The following GLIPR1L2 variants were observed in gnomAD, a reference collection of about 807,000 sequenced individuals.
GLIPR1L2 encodes GLIPR1 like 2.
GLIPR1L2 carries 21 observed loss-of-function variants against 28.4 expected under a neutral mutation model. The ratio of observed to expected loss-of-function variants is 0.74; its 90% confidence interval spans 0.52 to 1.06. GLIPR1L2 has a LOEUF of 1.06. Ranked by LOEUF, GLIPR1L2 falls within the 50% of genes least tolerant of loss-of-function variation. The pLI is 0.00. For missense variants in GLIPR1L2, 476 were observed against 416.9 expected (o/e 1.14, Z -1.23); for synonymous variants, 145 against 139.3 (o/e 1.04, Z -0.29).
In GLIPR1L2 at chr12:75,413,621, A is replaced by T; in HGVS notation, c.504A>T (p.Lys168Asn). ...AGCTTGTTTGGGACCACTCTTACAAAGTTGGTTGTGCTGTTACTCCATGTT... is the reference window on the plus strand; with the variant it reads ...AGCTTGTTTGGGACCACTCTTACAATGTTGGTTGTGCTGTTACTCCATGTT... ...YIQLVWDHSYKVGCAVTPCSK... is the reference protein window; with the variant it reads ...YIQLVWDHSYNVGCAVTPCSK... The change falls in exon 3 of 6, where the codon AAA becomes AAT. Residue 168 changes from lysine to asparagine, a missense_variant. Physicochemically the swap from Lys to Asn is moderately conservative, Grantham distance 94. Transcript: ENST00000550916. 6.4e-7 allele frequency: 1 copy of T among 1,558,744 alleles called. No individual in the cohort carries two copies. The highest frequency in any genetic ancestry group is 8.6e-7 in the Non-Finnish European group (1 of 1,158,328).
rs1345885518 is a variant in GLIPR1L2, at chr12:75,413,656, G to T, written c.539G>T (p.Gly180Val). The stretch of plus-strand genomic sequence containing the variant: ...GCTGTTACTCCATGTTCAAAAATTG[G>T]ACATATTATACATGCAGCAATTTTC... ...GCAVTPCSKI[G>V]HIIHAAIFIC... The change falls in exon 3 of 6, where the codon GGA (glycine) becomes GTA (valine). Residue 180 changes from glycine (G) to valine (V), a missense_variant. Physicochemically the swap from Gly to Val is moderately radical, Grantham distance 109. Coordinates refer to ENST00000550916, the MANE Select transcript of GLIPR1L2 (RefSeq NM_001270396.2). 1 of 1,564,902 alleles carries T rather than the reference G, an allele frequency of 6.4e-7. No homozygotes were observed. The highest frequency in any genetic ancestry group is 8.6e-7 in the Non-Finnish European group (1 of 1,158,852).
intron 1 of GLIPR1L2, among the ~76,000 whole-genome samples, chr12:75,405,163 G>C (rs1431241020): frequency 6.6e-6 from 1 of 152,122 alleles, no homozygotes; most frequent in Non-Finnish European, 1.5e-5. Flanking sequence ...AAGGAATGTA[G>C]GATATGTTTT....
At chr12:75,416,015 T>C (rs918400677) in intron 3 of GLIPR1L2, among the ~76,000 whole-genome samples, 1 of 152,100 alleles carries the variant, frequency 6.6e-6, no homozygotes, top group African/African-American at 2.4e-5. Context: ...GTGGAGGATC[T>C]TGTGATTCAT....
intron 1 of GLIPR1L2, among the ~76,000 whole-genome samples, chr12:75,407,042 G>T (rs1252138503): frequency 1.3e-5 from 2 of 151,890 alleles, no homozygotes; most frequent in African/African-American, 4.8e-5. Flanking sequence ...AGCTCTACCT[G>T]GCCTGACCTG....
intron 1 of GLIPR1L2, among the ~76,000 whole-genome samples, chr12:75,392,050 T>A (rs1047050661): frequency 5.9e-5 from 9 of 152,156 alleles, no homozygotes; most frequent in Non-Finnish European, 8.8e-5. Flanking sequence ...CTATTGAGTT[T>A]TCCTGACTGT....
At chr12:75,402,945 C>G (rs188802945) in intron 1 of GLIPR1L2, 3 of 455,090 alleles carry the variant, frequency 6.6e-6, no homozygotes, top group African/African-American at 6.0e-5. Context: ...AGTCTTGCCA[C>G]CTACCACAAT....
At chr12:75,413,540 A>T (rs916327347) in intron 2 of GLIPR1L2, 58 bp from the exon 3 acceptor site, 4 of 912,456 alleles carry the variant, frequency 4.4e-6, no homozygotes, top group African/African-American at 3.4e-5. Flanking sequence ...ATTGTTTATA[A>T]TATGAAAGTC....
At chr12:75,428,244 G>A (rs2046053833) in intron 4 of GLIPR1L2, among the ~76,000 whole-genome samples, 1 of 152,162 alleles carries the variant, frequency 6.6e-6, no homozygotes. Flanking sequence ...CTGGAATAAA[G>A]GTCATTCTTG....
At chr12:75,411,267 A>G (rs1234567269) in intron 2 of GLIPR1L2, among the ~76,000 whole-genome samples, 3 of 151,854 alleles carry the variant, frequency 2.0e-5, no homozygotes, top group East Asian at 1.9e-4. Flanking sequence ...CTTTTCATCC[A>G]TATATTCTCA....
chr12:75,409,069 T>G (rs1303792509), intron 1 of GLIPR1L2, among the ~76,000 whole-genome samples: 1 of 152,030 alleles, frequency 6.6e-6, no homozygotes, highest in East Asian at 1.9e-4. Flanking sequence ...CCAGGACAAC[T>G]TTGAATGCAG....
At chr12:75,408,627 T>G (rs1391488352) in intron 1 of GLIPR1L2, among the ~76,000 whole-genome samples, 5 of 152,078 alleles carry the variant, frequency 3.3e-5, no homozygotes, top group Admixed American at 6.6e-5. Context: ...GGTCTATTAA[T>G]GGTGAAATGG....
chr12:75,401,151 T>C (rs999277755), intron 1 of GLIPR1L2, among the ~76,000 whole-genome samples: 6 of 151,652 alleles, frequency 4.0e-5, no homozygotes, highest in Non-Finnish European at 8.8e-5. Flanking sequence ...GAAATGACTT[T>C]TAAAAAACTG....
intron 1 of GLIPR1L2, among the ~76,000 whole-genome samples, chr12:75,406,977 C>CTGAAT (rs1555232376): frequency 2.6e-5 from 4 of 151,956 alleles, no homozygotes; most frequent in Non-Finnish European, 5.9e-5. Context: ...CTCCCACACT[C>CTGAAT]AATATCTGAT....
At chr12:75,413,362 T>TAA (rs34217466) in intron 2 of GLIPR1L2, among the ~76,000 whole-genome samples, 3 of 149,092 alleles carry the variant, frequency 2.0e-5, no homozygotes, top group South Asian at 4.2e-4. Flanking sequence ...AAAATAAAAT[T>TAA]AAAAAAAAAA....
chr12:75,420,085 A>C (rs1180929339), intron 3 of GLIPR1L2, among the ~76,000 whole-genome samples: 1 of 152,208 alleles, frequency 6.6e-6, no homozygotes, highest in Non-Finnish European at 1.5e-5. Flanking sequence ...GTAGTGAAAA[A>C]TGAAACGAGT....
At chr12:75,417,782 CT>C in intron 3 of GLIPR1L2, among the ~76,000 whole-genome samples, 1 of 129,718 alleles carries the variant, frequency 7.7e-6, no homozygotes, top group Admixed American at 7.5e-5. Flanking sequence ...AAAACTGAAA[CT>C]ATATTACATA....
At chr12:75,429,270 A>G (rs1243118768) in intron 4 of GLIPR1L2, among the ~76,000 whole-genome samples, 1 of 152,186 alleles carries the variant, frequency 6.6e-6, no homozygotes, top group African/African-American at 2.4e-5. Flanking sequence ...GATGTAAGAC[A>G]TGGAGCCAAA....
Position 75,413,756 on chromosome 12 carries a change from G to A in GLIPR1L2, c.584+55G>A, listed in dbSNP as rs2045896641. 3.6e-6 allele frequency: 3 copies of A among 822,934 alleles called. No homozygotes were observed. The Admixed American group carries it at 8.6e-5, about 24-fold the overall frequency. 51.0% of individuals were successfully genotyped at this position (822,934 alleles called of 1,614,324 possible). On this transcript the variant is annotated intron_variant, in intron 3 of 5. Transcript: ENST00000550916. ...TAAAAATCAGAATATTTCAAGGTGA[G>A]TTTTTCTAACTTTTAATATATTTTT...
In GLIPR1L2 at chr12:75,422,975, C is replaced by T. The variant is rs1371223600; in HGVS notation, c.656C>T (p.Thr219Ile). ...CGATGTGGCAGACGTGACAAATGCACAGATTTTCTATGCAGTAAGATAAAG... is the reference window on the plus strand; with the variant it reads ...CGATGTGGCAGACGTGACAAATGCATAGATTTTCTATGCAGTAAGATAAAG... Reference protein sequence around the residue: ...CTRCGRRDKCTDFLCSNADRD... With the variant: ...CTRCGRRDKCIDFLCSNADRD... The change falls in exon 4 of 6, where the codon ACA becomes ATA. Residue 219 changes from threonine to isoleucine, a missense_variant. Coordinates refer to ENST00000550916, the MANE Select transcript of GLIPR1L2 (RefSeq NM_001270396.2). 3.7e-6 allele frequency: 6 copies of T among 1,611,100 alleles called. No homozygotes were observed. The highest frequency in any genetic ancestry group is 1.3e-5 in the African/African-American group (1 of 74,916).
Sources: allele counts gnomAD v4.1 joint callset (sites outside exome capture counted in the v4.1 genomes callset), GRCh38; gene constraint gnomAD v4.1.1; transcripts MANE v1.5; gene names NCBI Gene and HGNC (gene_info 2026-07-23, HGNC 2026-07-21).